The following GLS variants were observed in gnomAD, a reference collection of about 807,000 sequenced individuals.
GLS encodes the protein glutaminase.
GLS carries 36 observed loss-of-function variants against 86.7 expected under a neutral mutation model. The observed-to-expected ratio is 0.42, with a 90% CI of 0.32 to 0.55. The LOEUF (loss-of-function observed/expected upper bound fraction) is 0.55. Among genes scored for constraint, GLS ranks in the 20% least tolerant of loss-of-function variants. The pLI is 0.17. For missense variants in GLS, 528 were observed against 833.4 expected, an observed-to-expected ratio of 0.63 and a Z score of 4.51; for synonymous variants, 317 against 305.9, an observed-to-expected ratio of 1.04 and a Z score of -0.38.
At chr2:190,942,067 C>CTTTTTTTTT (rs3036653) in intron 14 of GLS, among the ~76,000 whole-genome samples, 846 of 38,040 alleles carry the variant, frequency 0.022, 296 homozygotes, top group South Asian at 0.043. Flanking sequence ...ACTTTGAAGA[C>CTTTTTTTTT]TTTTTTTTTT....
intron 14 of GLS, among the ~76,000 whole-genome samples, chr2:190,936,292 C>T (rs558766193): frequency 1.3e-5 from 2 of 150,928 alleles, no homozygotes; most frequent in Non-Finnish European, 3.0e-5. Context: ...ACTGATATGT[C>T]AGCCTATATC....
chr2:190,897,853 G>T lies in GLS; in HGVS notation c.605+2128G>T, dbSNP rs1040425640. On this transcript the variant is annotated intron_variant, in intron 3 of 17. Coordinates refer to ENST00000320717, the MANE Select transcript of GLS (RefSeq NM_014905.5). The surrounding 1 kb of genome is among the most constrained non-coding windows in gnomAD (Gnocchi z 4.3). ...AATATTTTACCTAAAATACATTGTA[G>T]ATTAATATTTTTAGACTTTTTCGGT... 3.9e-5 allele frequency among the ~76,000 whole-genome samples: 6 copies of T among 152,144 alleles called. No homozygotes were observed. Among genetic ancestry groups the T allele is most frequent in the Non-Finnish European group, 8.8e-5 (6 of 68,012 alleles).
At position 190,954,497 on chromosome 2, in the gene GLS, C is replaced by A; in HGVS notation, c.1713-87C>A. On this transcript the variant is annotated intron_variant, in intron 15 of 17. Transcript: ENST00000320717. The surrounding 1 kb of genome is among the most constrained non-coding windows in gnomAD (Gnocchi z 4.0). ...TGATGAAGGATGGCACCTGACAGGG[C>A]CTTAAATGAACTGATGGAGTGAATG... 1.2e-6 allele frequency: 1 copy of A among 817,872 alleles called. No individual in the cohort carries two copies. The highest frequency in any genetic ancestry group is 2.0e-6 in the Non-Finnish European group (1 of 502,486). The allele number at this position is 817,872 out of a possible 1,614,324, so 50.7% of individuals were successfully genotyped here.
At chr2:190,901,574 T>C (rs115282657) in intron 4 of GLS, among the ~76,000 whole-genome samples, 1,649 of 152,106 alleles carry the variant, frequency 0.011, 40 homozygotes, top group African/African-American at 0.037. Context: ...ACTTGATTCC[T>C]AATGTTTTAG....
Position 190,962,430 on chromosome 2 carries a change from T to TACTC in GLS, c.1854-400_1854-399insACTC, listed in dbSNP as rs1420335124. On this transcript the variant is annotated intron_variant, in intron 17 of 17. Transcript: ENST00000320717. The surrounding 1 kb of genome is among the most constrained non-coding windows in gnomAD (Gnocchi z 4.2). ...ACTAATTTTCTGTCAAAGGCTAGAG[T>TACTC]GATGGATGTTATATGCCTGAATTTT... Among the ~76,000 whole-genome samples the TACTC allele has an allele frequency of 6.6e-6, 1 of 152,156 alleles. No homozygotes were observed. The highest frequency in any genetic ancestry group is 1.5e-5 in the Non-Finnish European group (1 of 68,024).
chr2:190,886,217 A>G lies in GLS; in HGVS notation c.386+4747A>G, dbSNP rs960300353. Among the ~76,000 whole-genome samples the G allele has an allele frequency of 4.6e-5, 7 of 152,276 alleles. No homozygotes were observed. In the South Asian group the frequency reaches 1.2e-3, roughly 27 times the overall value. Reference sequence around the variant, plus strand: ...AAGTGAAAAAGGTACCAATAACTATATGTCATAACATTTTTGTGACCTAAT... The same window carrying G: ...AAGTGAAAAAGGTACCAATAACTATGTGTCATAACATTTTTGTGACCTAAT... On this transcript the variant is annotated intron_variant, in intron 1 of 17. Coordinates refer to ENST00000320717, the MANE Select transcript of GLS (RefSeq NM_014905.5).
At chr2:190,918,431 C>A (rs1361955312) in intron 7 of GLS, among the ~76,000 whole-genome samples, 3 of 152,116 alleles carry the variant, frequency 2.0e-5, no homozygotes, top group African/African-American at 4.8e-5. Flanking sequence ...TTCCCTCAGC[C>A]TTTATAGAAT....
chr2:190,890,407 G>A (rs146027557), intron 1 of GLS, among the ~76,000 whole-genome samples: 1 of 152,112 alleles, frequency 6.6e-6, no homozygotes, highest in African/African-American at 2.4e-5. Context: ...TACCTCATAG[G>A]GTTTTAATAT....
chr2:190,932,945 ATT>A (rs760233654), intron 14 of GLS: 255 of 1,303,184 alleles, frequency 2.0e-4, no homozygotes, highest in Non-Finnish European at 2.3e-4. Flanking sequence ...ATAAATATTT[ATT>A]TGAGGTATTT....
chr2:190,888,700 T>C (rs983629246), intron 1 of GLS, among the ~76,000 whole-genome samples: 1 of 152,172 alleles, frequency 6.6e-6, no homozygotes, highest in African/African-American at 2.4e-5. Flanking sequence ...TACACTAAAA[T>C]ATATTTATTG....
In GLS at chr2:190,929,546, T is replaced by C. The variant is rs186860224; in HGVS notation, c.1426-891T>C. Among the ~76,000 whole-genome samples the C allele has an allele frequency of 4.7e-4, 72 of 152,000 alleles. 1 individual carries two copies. In the East Asian group the frequency reaches 0.014, roughly 29 times the overall value. ...GTGCAGTGGTGCGATCTTGGCTCAC[T>C]GCAACCTCTGCCTCCCAGGTTCAAG... On this transcript the variant is annotated intron_variant, in intron 12 of 17. Transcript: ENST00000320717.
At chr2:190,931,515 C>G (rs1000837760) in intron 13 of GLS, 30 bp from the exon 14 acceptor site, 1 of 1,019,650 alleles carries the variant, frequency 9.8e-7, no homozygotes, top group African/African-American at 1.6e-5. Context: ...TAGCCAATTT[C>G]TTATACCTGC....
In GLS at chr2:190,930,099, C is replaced by T. The variant is rs950805486; in HGVS notation, c.1426-338C>T. 2.7e-5 allele frequency among the ~76,000 whole-genome samples: 4 copies of T among 150,696 alleles called. No homozygotes were observed. Among genetic ancestry groups the T allele is most frequent in the African/African-American group, 9.8e-5 (4 of 40,936 alleles). On this transcript the variant is annotated intron_variant, in intron 12 of 17. Coordinates refer to ENST00000320717, the MANE Select transcript of GLS (RefSeq NM_014905.5). This position sits in a 1 kb window ranked among gnomAD's most constrained non-coding sequence, Gnocchi z 5.0. ...TTTTTTTTTTTGAAACTGGATCTTG[C>T]TCTGTCATCCAGGCTGGAGTGCAGT...
chr2:190,931,987 GTGCTGCA>G (rs1690118686), intron 14 of GLS, among the ~76,000 whole-genome samples: 1 of 152,098 alleles, frequency 6.6e-6, no homozygotes, highest in African/African-American at 2.4e-5. Flanking sequence ...ACATTGGAAT[GTGCTGCA>G]TGCTATAAAG....
At position 190,963,354 on chromosome 2, in the gene GLS, C is replaced by T. The variant is rs1189163793; in HGVS notation, c.*368C>T. 1 of 161,684 alleles carries T rather than the reference C, an allele frequency of 6.2e-6. No homozygotes were observed. The highest frequency in any genetic ancestry group is 2.4e-5 in the African/African-American group (1 of 41,630). The allele number at this position is 161,684 out of a possible 1,614,324, so 10.0% of individuals were successfully genotyped here. On this transcript the variant is annotated 3_prime_UTR_variant, in exon 18 of 18. Coordinates refer to ENST00000320717, the MANE Select transcript of GLS (RefSeq NM_014905.5). ...AGTAAGCTCTGTTGTACAGTCTGTC[C>T]AAATGGGTCAAGGTTGCCTTTAGAA...
At chr2:190,961,579 T>C (rs1441604222) in intron 17 of GLS, among the ~76,000 whole-genome samples, 3 of 152,168 alleles carry the variant, frequency 2.0e-5, no homozygotes, top group African/African-American at 7.2e-5. Flanking sequence ...ACATTCCATT[T>C]TTCCAGAAAG....
chr2:190,882,093 G>A (rs1688221446), intron 1 of GLS: 1 of 152,300 alleles, frequency 6.6e-6, no homozygotes, highest in African/African-American at 2.4e-5. Context: ...GTGAGATTAG[G>A]AGGAATCCGG....
intron 3 of GLS, among the ~76,000 whole-genome samples, chr2:190,898,346 G>T (rs1688820310): frequency 6.6e-6 from 1 of 152,200 alleles, no homozygotes; most frequent in African/African-American, 2.4e-5. Flanking sequence ...AAAGGACAGA[G>T]ATATATATAA....
rs1348704995 is a variant in GLS at position 190,947,839 on chromosome 2, C to T, written c.1651-5726C>T. Among the ~76,000 whole-genome samples, 1 of 151,976 alleles carries T rather than the reference C, an allele frequency of 6.6e-6. No individual in the cohort carries two copies. Among genetic ancestry groups the T allele is most frequent in the Admixed American group, 6.6e-5 (1 of 15,260 alleles). ...GGATGACTGATCTTCTAGAGTGCCC[C>T]TCTCCTTCAGTTTGTTTGCTATGAT... is the stretch of plus-strand genomic sequence containing the variant. On this transcript the variant is annotated intron_variant, in intron 14 of 17. Transcript: ENST00000320717. The surrounding 1 kb of genome is among the most constrained non-coding windows in gnomAD (Gnocchi z 5.0).
Sources: gnomAD v4.1 joint callset for allele counts (sites outside exome capture counted in the v4.1 genomes callset) on GRCh38, gnomAD v4.1.1 for gene constraint, Gnocchi (gnomAD v3.1) non-coding constraint, MANE v1.5 for transcripts, NCBI Gene and HGNC (gene_info 2026-07-23, HGNC 2026-07-21) for gene names.